Variants in SH3RF3 observed in about 807,000 individuals in gnomAD.
The protein encoded by SH3RF3 is SH3 domain containing ring finger 3, also known as E3 ubiquitin-protein ligase SH3RF3.
In SH3RF3, 29 loss-of-function variants were observed where a neutral mutation model predicts 66.3. The observed-to-expected ratio is 0.44, with a 90% CI of 0.33 to 0.60. The LOEUF (loss-of-function observed/expected upper bound fraction) is 0.60. SH3RF3 is among the 20% of genes least tolerant of loss of function. The pLI is 0.04. For missense variants in SH3RF3, 1,194 were observed against 1,190.9 expected, an observed-to-expected ratio of 1.00 and a Z score of -0.04; for synonymous variants, 583 against 532.0, an observed-to-expected ratio of 1.10 and a Z score of -1.32.
At chr2:109,171,472 C>T (rs1352277549) in intron 1 of SH3RF3, among the ~76,000 whole-genome samples, 1 of 152,256 alleles carries the variant, frequency 6.6e-6, no homozygotes, top group Non-Finnish European at 1.5e-5. Flanking sequence ...TCCACGCTTG[C>T]CCCCCTACCC....
At chr2:109,414,617 C>T (rs554383764) in intron 4 of SH3RF3, among the ~76,000 whole-genome samples, 3 of 152,288 alleles carry the variant, frequency 2.0e-5, no homozygotes, top group East Asian at 1.9e-4. Context: ...ATCAGCTATA[C>T]ATACATGACC....
intron 1 of SH3RF3, among the ~76,000 whole-genome samples, chr2:109,201,748 C>T (rs1047999878): frequency 3.3e-5 from 5 of 152,136 alleles, no homozygotes; most frequent in Non-Finnish European, 5.9e-5. Context: ...CACAGCCAAG[C>T]GGTGAAAGGA....
chr2:109,161,856 G>GA (rs1384337817), intron 1 of SH3RF3, among the ~76,000 whole-genome samples: 1 of 151,944 alleles, frequency 6.6e-6, no homozygotes, highest in Non-Finnish European at 1.5e-5. Flanking sequence ...CAACATTGGG[G>GA]ATCACATTTT....
In SH3RF3 at chr2:109,249,585, TTTC is replaced by T. The variant is rs1558981720; in HGVS notation, c.574-98088_574-98086del. Among the ~76,000 whole-genome samples, 18 of 128,422 alleles carry T rather than the reference TTTC, an allele frequency of 1.4e-4. 2 individuals are homozygous for T. The highest frequency in any genetic ancestry group is 2.4e-4 in the Admixed American group (3 of 12,384). 84.2% of individuals were successfully genotyped at this position (128,422 alleles called of 152,430 possible). Reference sequence around the variant, plus strand: ...CTTCCTTCCTTCCTTCCTTCCTTCCTTTCCTTTCTTTCTTTTTCTTTCTTTCTT... The same window carrying T: ...CTTCCTTCCTTCCTTCCTTCCTTCCTCTTTCTTTCTTTTTCTTTCTTTCTT... On this transcript the variant is annotated intron_variant, in intron 1 of 9. Coordinates refer to ENST00000309415, the MANE Select transcript of SH3RF3 (RefSeq NM_001099289.3).
rs1018052023 is a variant in SH3RF3 at position 109,404,370 on chromosome 2, C to T, written c.1299+5427C>T. Among the ~76,000 whole-genome samples, 8 of 152,142 alleles carry T rather than the reference C, an allele frequency of 5.3e-5. No individual in the cohort carries two copies. The East Asian group carries it at 1.5e-3, about 29-fold the overall frequency. ...TCGAGGCCTGGCGGGGAGTGGGGTG[C>T]CGATGCAGAACAGGCCAGCGCCTGG... On this transcript the variant is annotated intron_variant, in intron 4 of 9. Coordinates refer to ENST00000309415, the MANE Select transcript of SH3RF3 (RefSeq NM_001099289.3).
intron 1 of SH3RF3, among the ~76,000 whole-genome samples, chr2:109,249,396 A>G (rs1354517536): frequency 6.6e-6 from 1 of 152,146 alleles, no homozygotes; most frequent in Non-Finnish European, 1.5e-5. Context: ...ACCAAAGCTC[A>G]GAGGATCTGG....
chr2:109,400,575 G>GCA (rs369625855), intron 4 of SH3RF3, among the ~76,000 whole-genome samples: 1,544 of 147,074 alleles, frequency 0.01, 25 homozygotes, highest in African/African-American at 0.036. Context: ...ACACCTGTGC[G>GCA]CACACACACA....
At chr2:109,295,542 T>C (rs1681287361) in intron 1 of SH3RF3, among the ~76,000 whole-genome samples, 1 of 152,138 alleles carries the variant, frequency 6.6e-6, no homozygotes, top group African/African-American at 2.4e-5. Flanking sequence ...GGGGGCTTCA[T>C]GTTGAGAGAA....
chr2:109,154,009 A>T (rs992081477), intron 1 of SH3RF3, among the ~76,000 whole-genome samples: 6 of 152,246 alleles, frequency 3.9e-5, no homozygotes, highest in African/African-American at 1.4e-4. Context: ...TGACCTGGTC[A>T]GTGATTCTGG....
At chr2:109,416,524 A>G (rs546530643) in intron 4 of SH3RF3, among the ~76,000 whole-genome samples, 27 of 152,294 alleles carry the variant, frequency 1.8e-4, no homozygotes, top group African/African-American at 6.3e-4. Flanking sequence ...AGCTGGGATT[A>G]CAGGCGTGCG....
At chr2:109,177,720 A>G (rs1431215433) in intron 1 of SH3RF3, among the ~76,000 whole-genome samples, 1 of 152,196 alleles carries the variant, frequency 6.6e-6, no homozygotes, top group African/African-American at 2.4e-5. Context: ...GGACAGGTAG[A>G]CTTCCCAGGA....
At chr2:109,286,555 C>T (rs1681034550) in intron 1 of SH3RF3, among the ~76,000 whole-genome samples, 1 of 152,206 alleles carries the variant, frequency 6.6e-6, no homozygotes, top group Non-Finnish European at 1.5e-5. Flanking sequence ...GGGGTTTGCT[C>T]CAGGTGGGCC....
intron 5 of SH3RF3, among the ~76,000 whole-genome samples, chr2:109,427,921 G>A (rs866989989): frequency 2.0e-5 from 3 of 152,220 alleles, no homozygotes; most frequent in Non-Finnish European, 2.9e-5. Context: ...AGGTGCTCGC[G>A]CACGCTCCTC....
chr2:109,297,234 T>C (rs760376417), intron 1 of SH3RF3, among the ~76,000 whole-genome samples: 1 of 152,102 alleles, frequency 6.6e-6, no homozygotes, highest in Non-Finnish European at 1.5e-5. Flanking sequence ...CTGTTTTTCA[T>C]TGACACCATC....
rs1288297651 is a variant in SH3RF3, at chr2:109,184,636, T to C, written c.573+54523T>C. 2.6e-5 allele frequency among the ~76,000 whole-genome samples: 4 copies of C among 152,046 alleles called. No individual in the cohort carries two copies. In the East Asian group the frequency reaches 7.8e-4, roughly 30 times the overall value. ...GTGCCTCCATGGGCTTCCCAGAGAG[T>C]GAGCTGGTCCCACCAGAGGTCCCAG... On this transcript the variant is annotated intron_variant, in intron 1 of 9. Transcript: ENST00000309415.
At chr2:109,346,944 C>T (rs1307464981) in intron 1 of SH3RF3, among the ~76,000 whole-genome samples, 2 of 152,108 alleles carry the variant, frequency 1.3e-5, no homozygotes, top group African/African-American at 2.4e-5. Flanking sequence ...CTGTGATGGC[C>T]GGGGACTGCT....
chr2:109,167,048 G>A (rs1247584982), intron 1 of SH3RF3, among the ~76,000 whole-genome samples: 1 of 152,186 alleles, frequency 6.6e-6, no homozygotes, highest in Non-Finnish European at 1.5e-5. Flanking sequence ...TGTCCCGTGG[G>A]AATACCATGG....
chr2:109,316,596 G>T (rs970961281), intron 1 of SH3RF3, among the ~76,000 whole-genome samples: 9 of 152,152 alleles, frequency 5.9e-5, no homozygotes, highest in African/African-American at 9.7e-5. Flanking sequence ...TGAGCAGAAG[G>T]TACAGAGAAT....
intron 1 of SH3RF3, among the ~76,000 whole-genome samples, chr2:109,300,627 G>A (rs979493982): frequency 3.3e-5 from 5 of 152,166 alleles, no homozygotes; most frequent in African/African-American, 1.2e-4. Flanking sequence ...CTTCCTGGTG[G>A]TAAGAAACCA....
Sources: allele counts gnomAD v4.1 joint callset (sites outside exome capture counted in the v4.1 genomes callset), GRCh38; gene constraint gnomAD v4.1.1; transcripts MANE v1.5; gene names NCBI Gene and HGNC (gene_info 2026-07-23, HGNC 2026-07-21).